The following CEP290 variants were observed in gnomAD, a reference collection of about 807,000 sequenced individuals.
CEP290 encodes centrosomal protein 290.
In CEP290, 317 loss-of-function variants were observed where a neutral mutation model predicts 344.9. That is an observed-to-expected ratio of 0.92 (90% CI 0.84 to 1.01). The LOEUF (loss-of-function observed/expected upper bound fraction) is 1.01, where lower values mean the gene tolerates loss of function less well. CEP290 is among the 50% of genes least tolerant of loss of function. CEP290 has a pLI of 0.00. For synonymous variants in CEP290, 932 were observed against 895.8 expected, an observed-to-expected ratio of 1.04 and a Z score of -0.72; for missense variants, 2,754 against 2,761.4, an observed-to-expected ratio of 1.00 and a Z score of 0.06.
At position 88,084,453 on chromosome 12, in the gene CEP290, C is replaced by T. The variant is rs970498334; in HGVS notation, c.4704+133G>A. The T allele has an allele frequency of 6.2e-5, 51 of 825,090 alleles. 1 individual carries two copies. The highest frequency in any genetic ancestry group is 2.4e-4 in the South Asian group (14 of 57,216). The allele number at this position is 825,090 out of a possible 1,614,324, so 51.1% of individuals were successfully genotyped here. A position where few individuals can be genotyped will look rare whatever the true frequency, so the allele number is the denominator to read the frequency against. On this transcript the variant is annotated intron_variant, in intron 35 of 53. Coordinates refer to ENST00000552810, the MANE Select transcript of CEP290 (RefSeq NM_025114.4). ...TACTGACAGAGGTGTAATCCAATCA[C>T]ATGCAAGTAACAATTCTTAAATAGA...
chr12:88,072,033 T>C (rs555330270), intron 41 of CEP290, 107 bp from the exon 42 acceptor site: 8 of 1,015,652 alleles, frequency 7.9e-6, no homozygotes, highest in Non-Finnish European at 9.6e-6. Flanking sequence ...TAATATTTCC[T>C]AGAGAATATG....
At chr12:88,059,822 G>T in intron 48 of CEP290, 76 bp downstream of exon 48, 1 of 1,218,814 alleles carries the variant, frequency 8.2e-7, no homozygotes, top group Non-Finnish European at 1.1e-6. Flanking sequence ...TCTCATCAAG[G>T]ATCTACTTCC....
chr12:88,106,546 G>A, intron 25 of CEP290, 129 bp downstream of exon 25: 1 of 606,414 alleles, frequency 1.6e-6, no homozygotes, highest in Non-Finnish European at 2.7e-6. Flanking sequence ...ATCAGAAGAA[G>A]CAATTATGAC....
At chr12:88,094,058 G>T in intron 27 of CEP290, 83 bp from the exon 28 acceptor site, 1 of 1,052,728 alleles carries the variant, frequency 9.5e-7, no homozygotes, top group South Asian at 1.7e-5. Context: ...ATATTAGAAA[G>T]CATTATAGTT....
intron 20 of CEP290, 66 bp from the exon 21 acceptor site, chr12:88,111,924 C>T (rs1243577690): frequency 2.5e-6 from 3 of 1,181,618 alleles, no homozygotes; most frequent in Non-Finnish European, 3.4e-6. Flanking sequence ...AAAAAACAGT[C>T]TGTCTTTAAA....
intron 3 of CEP290, among the ~76,000 whole-genome samples, chr12:88,140,201 C>G (rs185151812): frequency 6.6e-6 from 1 of 152,002 alleles, no homozygotes; most frequent in Non-Finnish European, 1.5e-5. Flanking sequence ...TTTTCTGTTC[C>G]AATTGCTATT....
chr12:88,125,896 A>T (rs920670522), intron 12 of CEP290, among the ~76,000 whole-genome samples: 1 of 152,090 alleles, frequency 6.6e-6, no homozygotes, highest in Non-Finnish European at 1.5e-5. Flanking sequence ...ACTAAAAATA[A>T]AATAGGTAGC....
In CEP290 at chr12:88,086,101, T is replaced by C; in HGVS notation, c.4375A>G (p.Lys1459Glu). 1 of 1,613,232 alleles carries C rather than the reference T, an allele frequency of 6.2e-7. No homozygotes were observed. The highest frequency in any genetic ancestry group is 8.5e-7 in the Non-Finnish European group (1 of 1,179,600). ...ATTATTCGAATGTTCTCCTTAATTT[T>C]CCTTAGAGCGATCTCAAGTTGATTT... ...LPNQLEIALR[K>E]IKENIRIILE... Residue 1459 changes from lysine to glutamate, a missense_variant, in exon 34 of 54, where the codon AAA becomes GAA. Lys to Glu is a moderately conservative substitution (Grantham distance 56). Transcript: ENST00000552810.
intron 50 of CEP290, 82 bp from the exon 51 acceptor site, chr12:88,054,495 C>T (rs1003375291): frequency 1.4e-5 from 15 of 1,074,166 alleles, no homozygotes; most frequent in Admixed American, 4.6e-5. Context: ...TTTAACAAAG[C>T]GTAATATTAA....
rs766779533 is a variant in CEP290, at chr12:88,118,676, C to T, written c.1590G>A (p.Gln530=). 4 of 1,613,370 alleles carry T rather than the reference C, an allele frequency of 2.5e-6. No individual in the cohort carries two copies. The highest frequency in any genetic ancestry group is 2.2e-5 in the South Asian group (2 of 91,058). ...AAAGAATCTGGTTTTCAGCTCTGTACTGCTGCTGTTTTAAGTGTTTGCTAT... is the reference window on the plus strand; with the variant it reads ...AAAGAATCTGGTTTTCAGCTCTGTATTGCTGCTGTTTTAAGTGTTTGCTAT... ...FRNSKHLKQQ[Q]YRAENQILLK... The change falls in exon 16 of 54, where the codon CAG becomes CAA. Residue 530 remains glutamine, a synonymous_variant. Coordinates refer to ENST00000552810, the MANE Select transcript of CEP290 (RefSeq NM_025114.4).
chr12:88,072,324 A>G (rs1196655043), intron 41 of CEP290, among the ~76,000 whole-genome samples: 4 of 152,086 alleles, frequency 2.6e-5, no homozygotes, highest in Non-Finnish European at 5.9e-5. Context: ...TCATCATATG[A>G]GGTCACATCA....
chr12:88,134,924 T>C (rs2040272074), intron 6 of CEP290, among the ~76,000 whole-genome samples: 1 of 152,178 alleles, frequency 6.6e-6, no homozygotes, highest in Admixed American at 6.5e-5. Context: ...TATATCCTCA[T>C]TCCTCTTACC....
chr12:88,127,753 A>G (rs1369236409), intron 11 of CEP290, among the ~76,000 whole-genome samples: 2 of 152,218 alleles, frequency 1.3e-5, no homozygotes, highest in Admixed American at 1.3e-4. Flanking sequence ...GTACATTTGC[A>G]AAATAACATA....
At chr12:88,095,744 C>A (rs2037377982) in intron 27 of CEP290, among the ~76,000 whole-genome samples, 2 of 152,024 alleles carry the variant, frequency 1.3e-5, no homozygotes, top group Non-Finnish European at 2.9e-5. Context: ...GTCTAGGAAA[C>A]AAATACATGA....
rs11104741 is a variant in CEP290 at position 88,120,341 on chromosome 12, T to A, written c.1360-65A>T. ...TACTTGAATAAATTTATCAAGTTCA[T>A]GATTTTTTTTTTACTAAGTCTAAAG... On this transcript the variant is annotated intron_variant, in intron 14 of 53. Transcript: ENST00000552810. 14,654 of 855,058 alleles carry A rather than the reference T, an allele frequency of 0.017. 1,687 individuals carry two copies. The African/African-American group carries it at 0.24, about 14-fold the overall frequency. 53.0% of individuals were successfully genotyped at this position (855,058 alleles called of 1,614,324 possible).
At chr12:88,080,560 G>T (rs542819876) in intron 37 of CEP290, among the ~76,000 whole-genome samples, 165 bp from the exon 38 acceptor site, 1 of 152,256 alleles carries the variant, frequency 6.6e-6, no homozygotes, top group African/African-American at 2.4e-5. Context: ...TTCCTGAGTA[G>T]CTGGGACTAC....
intron 26 of CEP290, among the ~76,000 whole-genome samples, chr12:88,102,190 C>T (rs937034591): frequency 6.6e-6 from 1 of 152,180 alleles, no homozygotes; most frequent in Non-Finnish European, 1.5e-5. Flanking sequence ...TGTAAGATAA[C>T]TACAAAGGGT....
intron 20 of CEP290, among the ~76,000 whole-genome samples, chr12:88,112,419 T>C (rs1414415883): frequency 1.3e-5 from 2 of 151,954 alleles, no homozygotes; most frequent in Admixed American, 6.6e-5. Context: ...GAAGCATAAA[T>C]AAAAATAAAG....
At position 88,109,109 on chromosome 12, in the gene CEP290, C is replaced by A. The variant is rs955251811; in HGVS notation, c.2440G>T (p.Val814Leu). Residue 814 changes from valine (V) to leucine (L), a missense_variant, in exon 23 of 54, where the codon GTA becomes TTA. Coordinates refer to ENST00000552810, the MANE Select transcript of CEP290 (RefSeq NM_025114.4). ...SLEDYNRKFAVIRHQQSLLYK... is the reference protein window; with the variant it reads ...SLEDYNRKFALIRHQQSLLYK... Reference sequence around the variant, plus strand: ...AACAAACTTTGTTGATGACGAATTACAGCAAATTTTCTGTTGTAATCTTCA... The same window carrying A: ...AACAAACTTTGTTGATGACGAATTAAAGCAAATTTTCTGTTGTAATCTTCA... 1 of 1,461,878 alleles carries A rather than the reference C, an allele frequency of 6.8e-7. No individual in the cohort carries two copies. Among genetic ancestry groups the A allele is most frequent in the Admixed American group, 2.5e-5 (1 of 40,788 alleles). 90.6% of individuals were successfully genotyped at this position (1,461,878 alleles called of 1,614,324 possible).
Sources: gnomAD v4.1 joint callset for allele counts (sites outside exome capture counted in the v4.1 genomes callset) on GRCh38, gnomAD v4.1.1 for gene constraint, MANE v1.5 for transcripts, NCBI Gene and HGNC (gene_info 2026-07-23, HGNC 2026-07-21) for gene names.